Variants in ACIN1 observed in about 807,000 individuals in gnomAD.
ACIN1 encodes apoptotic chromatin condensation inducer in the nucleus.
ACIN1 carries 16 observed loss-of-function variants against 146.6 expected under a neutral mutation model. That is an observed-to-expected ratio of 0.11 (90% confidence interval 0.07 to 0.17). The LOEUF is 0.17. Among genes scored for constraint, ACIN1 ranks in the 10% least tolerant of loss-of-function variants. The pLI is 1.00. For missense variants in ACIN1, 1,357 were observed against 1,609.3 expected, an observed-to-expected ratio of 0.84 and a Z score of 2.68; for synonymous variants, 569 against 582.7, an observed-to-expected ratio of 0.98 and a Z score of 0.34.
At chr14:23,088,961 TAGAC>T (rs769782698) in intron 4 of ACIN1, among the ~76,000 whole-genome samples, 32 of 152,220 alleles carry the variant, frequency 2.1e-4, no homozygotes, top group Non-Finnish European at 3.7e-4. Context: ...TATACTGACT[TAGAC>T]AGGTAGTTCC....
rs1180547913 is a variant in ACIN1, at chr14:23,080,634, CCCT to C, written c.698_700del (p.Glu233del). 6.2e-7 allele frequency: 1 copy of C among 1,613,786 alleles called. No homozygotes were observed. Among genetic ancestry groups the C allele is most frequent in the African/African-American group, 1.3e-5 (1 of 74,800 alleles). ...GATTGGTGCCTCCCTAGATTTTTGT[CCCT>C]CATCATCACCTTCCTCTTCTTCATC... On this transcript the variant is annotated inframe_deletion, in exon 6 of 19. Coordinates refer to ENST00000605057, the MANE Select transcript of ACIN1 (RefSeq NM_001386863.1).
At chr14:23,084,378 G>A (rs1166071291) in intron 4 of ACIN1, among the ~76,000 whole-genome samples, 3 of 152,102 alleles carry the variant, frequency 2.0e-5, no homozygotes, top group African/African-American at 2.4e-5. Flanking sequence ...AGGCCGAGGC[G>A]GGCAGATCAC....
At chr14:23,065,541 C>T (rs1235226795) in intron 10 of ACIN1, among the ~76,000 whole-genome samples, 1 of 152,152 alleles carries the variant, frequency 6.6e-6, no homozygotes, top group Admixed American at 6.5e-5. Flanking sequence ...GAGCCAAAAT[C>T]GCACCACTGC....
rs1468463725 is a variant in ACIN1, at chr14:23,059,007, C to T, written c.*141G>A. The T allele has an allele frequency of 1.3e-6, 1 of 781,490 alleles. No homozygotes were observed. The highest frequency in any genetic ancestry group is 2.0e-6 in the Non-Finnish European group (1 of 488,956). The allele number at this position is 781,490 out of a possible 1,614,324, so 48.4% of individuals were successfully genotyped here. On this transcript the variant is annotated 3_prime_UTR_variant, in exon 19 of 19. Coordinates refer to ENST00000605057, the MANE Select transcript of ACIN1 (RefSeq NM_001386863.1). ...GTGTTTGGGGGGAAAAGGATGGCCA[C>T]TTTTCCATTTGGTATGTATGTAGGG...
intron 10 of ACIN1, among the ~76,000 whole-genome samples, chr14:23,065,208 T>C (rs957047985): frequency 3.9e-5 from 6 of 152,256 alleles, no homozygotes; most frequent in Non-Finnish European, 5.9e-5. Flanking sequence ...TTTTGTAATC[T>C]AGAGTTCCTC....
intron 11 of ACIN1, 41 bp from the exon 12 acceptor site, chr14:23,064,298 T>G (rs762682982): frequency 3.1e-6 from 5 of 1,613,864 alleles, no homozygotes; most frequent in Non-Finnish European, 4.2e-6. Context: ...ACTGGGCCCA[T>G]GTCTACTCCC....
chr14:23,078,203 A>G lies in ACIN1; in HGVS notation c.2071T>C (p.Ser691Pro). ...EPPAATQPQTSETQTSHLPES... is the reference protein window; with the variant it reads ...EPPAATQPQTPETQTSHLPES... ...GGCAGATGAGAGGTCTGAGTCTCTG[A>G]GGTTTGGGGCTGTGTGGCAGCTGGT... The change falls in exon 8 of 19, where the codon TCA becomes CCA. Residue 691 changes from serine to proline, a missense_variant. Ser to Pro is a moderately conservative substitution (Grantham distance 74). This residue lies in a region of ACIN1 where 771 missense variants were observed against 746.6 expected (regional missense o/e 1.03). Coordinates refer to ENST00000605057, the MANE Select transcript of ACIN1 (RefSeq NM_001386863.1). 1.2e-6 allele frequency: 2 copies of G among 1,614,102 alleles called. No homozygotes were observed.
In ACIN1 at chr14:23,067,605, C is replaced by T. The variant is rs1029700516; in HGVS notation, c.2266-1597G>A. 2.4e-5 allele frequency: 24 copies of T among 985,806 alleles called. No homozygotes were observed. Among genetic ancestry groups the T allele is most frequent in the Non-Finnish European group, 2.8e-5 (23 of 830,016 alleles). The allele number at this position is 985,806 out of a possible 1,614,324, so 61.1% of individuals were successfully genotyped here. A position where few individuals can be genotyped will look rare whatever the true frequency, so the allele number is the denominator to read the frequency against. On this transcript the variant is annotated intron_variant, in intron 9 of 18. Transcript: ENST00000605057. The surrounding 1 kb of genome is among the most constrained non-coding windows in gnomAD (Gnocchi z 4.6). ...GCGAGGGATAGAGGGGGGAAAGGGG[C>T]AGAGACATCAGTCCTGGCCCTGAAG...
chr14:23,081,629 C>CA, intron 5 of ACIN1, 119 bp downstream of exon 5: 2 of 900,654 alleles, frequency 2.2e-6, no homozygotes, highest in Non-Finnish European at 3.3e-6. Context: ...GACTCTGTCC[C>CA]AAAAAAGAAA....
Position 23,068,102 on chromosome 14 carries a change from G to T in ACIN1, c.2265+1374C>A. The T allele has an allele frequency of 1.0e-6, 1 of 985,742 alleles. No individual in the cohort carries two copies. Among genetic ancestry groups the T allele is most frequent in the Non-Finnish European group, 1.2e-6 (1 of 829,960 alleles). The allele number at this position is 985,742 out of a possible 1,614,324, so 61.1% of individuals were successfully genotyped here. On this transcript the variant is annotated intron_variant, in intron 9 of 18. Transcript: ENST00000605057. The surrounding 1 kb of genome is among the most constrained non-coding windows in gnomAD (Gnocchi z 4.3). ...GGAAAGTCCATCTGATGAGCAAGTGGTGACACATGGGCTGGGCTGTCATCA... is the reference window on the plus strand; with the variant it reads ...GGAAAGTCCATCTGATGAGCAAGTGTTGACACATGGGCTGGGCTGTCATCA...
intron 4 of ACIN1, among the ~76,000 whole-genome samples, chr14:23,086,199 T>C (rs1433889585): frequency 1.3e-5 from 2 of 152,232 alleles, no homozygotes; most frequent in Non-Finnish European, 1.5e-5. Flanking sequence ...GTAAGTTACC[T>C]AGCATTTCTC....
intron 4 of ACIN1, among the ~76,000 whole-genome samples, chr14:23,084,593 G>A (rs2048038724): frequency 6.8e-6 from 1 of 147,994 alleles, no homozygotes; most frequent in Admixed American, 6.7e-5. Flanking sequence ...CTGGGCGACA[G>A]AGCGAGACTC....
At position 23,061,375 on chromosome 14, in the gene ACIN1, G is replaced by A; in HGVS notation, c.3347C>T (p.Pro1116Leu). The change falls in exon 17 of 19, where the codon CCC (proline) becomes CTC (leucine). Residue 1116 changes from proline to leucine, a missense_variant. Physicochemically the swap from Pro to Leu is moderately conservative, Grantham distance 98 (BLOSUM62 -3). This residue lies in a region of ACIN1 where 509 missense variants were observed against 719.6 expected (regional missense o/e 0.71). Transcript: ENST00000605057. ...EWDRDKVREG[P>L]RSRSRSRDRR... Reference sequence around the variant, plus strand: ...GTCACGGGACCTTGATCGGGAACGGGGCCCTTCTCGAACTTTGTCCCGATC... The same window carrying A: ...GTCACGGGACCTTGATCGGGAACGGAGCCCTTCTCGAACTTTGTCCCGATC... 1 of 1,614,080 alleles carries A rather than the reference G, an allele frequency of 6.2e-7. No individual in the cohort carries two copies. The highest frequency in any genetic ancestry group is 1.3e-5 in the African/African-American group (1 of 75,012).
At chr14:23,062,612 T>G in intron 14 of ACIN1, 89 bp from the exon 15 acceptor site, 10 of 1,286,038 alleles carry the variant, frequency 7.8e-6, no homozygotes, top group Non-Finnish European at 1.1e-5. Context: ...CACAGGAGTA[T>G]AGTTTCAAGG....
In ACIN1 at chr14:23,063,545, C is replaced by T. The variant is rs1448551503; in HGVS notation, c.2628G>A (p.Gln876=). The part of the protein sequence containing the change: ...VVPAEGQENG[Q]REEEEEEKEP... ...CCTTCTCTTCTTCCTCTTCTTCCCTCTGCCCATTCTCCTGGCCCTCTGCAG... is the reference window on the plus strand; with the variant it reads ...CCTTCTCTTCTTCCTCTTCTTCCCTTTGCCCATTCTCCTGGCCCTCTGCAG... The change falls in exon 13 of 19, where the codon CAG becomes CAA. Residue 876 remains glutamine (Q), a synonymous_variant. Transcript: ENST00000605057. The T allele has an allele frequency of 1.2e-6, 2 of 1,614,108 alleles. No homozygotes were observed. Among genetic ancestry groups the T allele is most frequent in the Non-Finnish European group, 1.7e-6 (2 of 1,180,046 alleles).
chr14:23,083,234 T>C (rs1281267310), intron 4 of ACIN1, among the ~76,000 whole-genome samples: 1 of 151,844 alleles, frequency 6.6e-6, no homozygotes, highest in African/African-American at 2.4e-5. Context: ...AGACAGTGTT[T>C]TACTCTGTCA....
At chr14:23,062,317 G>A in intron 15 of ACIN1, 42 bp from the exon 16 acceptor site, 1 of 1,600,634 alleles carries the variant, frequency 6.2e-7, no homozygotes, top group African/African-American at 1.3e-5. Context: ...CAGTGTGTCT[G>A]CAACCCTTCC....
intron 8 of ACIN1, chr14:23,071,680 AGCC>A: frequency 1.0e-6 from 1 of 979,340 alleles, no homozygotes; most frequent in Non-Finnish European, 1.5e-6. Context: ...GGCCACAGGG[AGCC>A]GACTGCTGGC....
intron 4 of ACIN1, 135 bp from the exon 5 acceptor site, chr14:23,081,971 G>A (rs779983031): frequency 3.2e-5 from 20 of 626,982 alleles, no homozygotes; most frequent in Non-Finnish European, 4.8e-5. Flanking sequence ...CGGTTTCTTT[G>A]ACTTCTACAC....
Sources: gnomAD v4.1 joint callset for allele counts (sites outside exome capture counted in the v4.1 genomes callset) on GRCh38, gnomAD v4.1.1 for gene constraint, gnomAD v4.1.1 regional missense constraint, Gnocchi (gnomAD v3.1) non-coding constraint, MANE v1.5 for transcripts, NCBI Gene and HGNC (gene_info 2026-07-23, HGNC 2026-07-21) for gene names.